The following SRSF7 variants were observed in gnomAD, a reference collection of about 807,000 sequenced individuals.
The protein encoded by SRSF7 is serine/arginine-rich splicing factor 7.
SRSF7 carries 15 observed loss-of-function variants against 42.2 expected under a neutral mutation model. The ratio of observed to expected loss-of-function variants is 0.36; its 90% CI spans 0.24 to 0.55. SRSF7 has a LOEUF of 0.55. Ranked by LOEUF, SRSF7 falls within the 20% of genes least tolerant of loss-of-function variation. SRSF7 has a pLI of 0.88. For synonymous variants in SRSF7, 138 were observed against 107.9 expected (o/e 1.28, Z -1.73); for missense variants, 181 against 305.9 (o/e 0.59, Z 3.04).
chr2:38,750,316 T>A, intron 1 of SRSF7, 122 bp from the exon 2 acceptor site: 1 of 812,612 alleles, frequency 1.2e-6, no homozygotes, highest in Non-Finnish European at 1.9e-6. Flanking sequence ...ATGCCCTCTA[T>A]CCAAGACAAA....
chr2:38,748,999 A>C, intron 3 of SRSF7: 11 of 1,287,694 alleles, frequency 8.5e-6, no homozygotes, highest in Non-Finnish European at 9.1e-6. Context: ...GTTTTCTTCA[A>C]TCTAACGACG....
chr2:38,749,746 T>A, intron 2 of SRSF7, 41 bp from the exon 3 acceptor site: 1 of 1,482,952 alleles, frequency 6.7e-7, no homozygotes, highest in Non-Finnish European at 8.9e-7. Context: ...GTTAAAAATA[T>A]ATTCAGGACT....
intron 5 of SRSF7, chr2:38,747,075 C>G (rs1572562233): frequency 2.0e-6 from 1 of 497,396 alleles, no homozygotes. Flanking sequence ...ACTTAAGGCA[C>G]AGATCCCTCA....
At chr2:38,747,178 G>C (rs1409154188) in intron 5 of SRSF7, 1 of 450,426 alleles carries the variant, frequency 2.2e-6, no homozygotes, top group Non-Finnish European at 4.6e-6. Context: ...GACTAATTCA[G>C]GTGATAAGGC....
chr2:38,750,308 G>T, intron 1 of SRSF7, 114 bp from the exon 2 acceptor site: 1 of 913,042 alleles, frequency 1.1e-6, no homozygotes, highest in Non-Finnish European at 1.7e-6. Context: ...CACATTTAAT[G>T]CCCTCTATCC....
At chr2:38,749,738 T>G (rs754789224) in intron 2 of SRSF7, 33 bp from the exon 3 acceptor site, 1 of 1,504,596 alleles carries the variant, frequency 6.6e-7, no homozygotes, top group African/African-American at 1.4e-5. Flanking sequence ...ATTCTAAAGT[T>G]AAAAATATAT....
chr2:38,751,039 A>G (rs1393739274), intron 1 of SRSF7, 190 bp downstream of exon 1: 2 of 671,024 alleles, frequency 3.0e-6, no homozygotes, highest in Non-Finnish European at 5.2e-6. Flanking sequence ...GGAACTCGGC[A>G]GAGATGTACA....
intron 1 of SRSF7, 89 bp from the exon 2 acceptor site, chr2:38,750,283 C>T (rs781498895): frequency 8.0e-7 from 1 of 1,251,988 alleles, no homozygotes; most frequent in Non-Finnish European, 1.1e-6. Context: ...GGGCCATCCT[C>T]AAGATTGGGT....
At chr2:38,750,841 T>A (rs1184624156) in intron 1 of SRSF7, 4 of 273,132 alleles carry the variant, frequency 1.5e-5, no homozygotes, top group Non-Finnish European at 7.3e-6. Flanking sequence ...GCCAGATCTG[T>A]CCGCTGAAGT....
intron 4 of SRSF7, 26 bp from the exon 5 acceptor site, chr2:38,748,183 C>G: frequency 4.5e-6 from 7 of 1,559,300 alleles, no homozygotes; most frequent in Non-Finnish European, 5.2e-6. Flanking sequence ...TTAAGTCCAT[C>G]TCCACAGTTT....
intron 5 of SRSF7, chr2:38,747,044 G>A (rs543771014): frequency 3.2e-4 from 177 of 548,144 alleles, no homozygotes; most frequent in Non-Finnish European, 6.0e-4. Context: ...AGACTGGTAT[G>A]AAGGAAGCAA....
chr2:38,749,305 C>G (rs1241915243), intron 3 of SRSF7: 4 of 1,494,610 alleles, frequency 2.7e-6, no homozygotes, highest in Non-Finnish European at 3.6e-6. Flanking sequence ...TCATAAGGCT[C>G]GTGACATTCT....
In SRSF7 at chr2:38,746,184, C is replaced by CAA; in HGVS notation, c.627-7_627-6dup. ...GGAGATCTGGACTTTGATCGGCTGT[C>CAA]AAAACATGAGAAATTCTATTAAAGA... On this transcript the variant is annotated splice_polypyrimidine_tract_variant and splice_region_variant and intron_variant, in intron 6 of 7. Coordinates refer to ENST00000313117, the MANE Select transcript of SRSF7 (RefSeq NM_001031684.3). 6.2e-7 allele frequency: 1 copy of CAA among 1,613,954 alleles called. No individual in the cohort carries two copies. Among genetic ancestry groups the CAA allele is most frequent in the Non-Finnish European group, 8.5e-7 (1 of 1,179,938 alleles).
At position 38,749,624 on chromosome 2, in the gene SRSF7, T is replaced by C; in HGVS notation, c.291A>G (p.Arg97=). 2 of 1,608,836 alleles carry C rather than the reference T, an allele frequency of 1.2e-6. No individual in the cohort carries two copies. Among genetic ancestry groups the C allele is most frequent in the African/African-American group, 2.7e-5 (2 of 74,590 alleles). Residue 97 remains arginine (R), a synonymous_variant, in exon 3 of 8, where the codon CGA becomes CGG. Coordinates refer to ENST00000313117, the MANE Select transcript of SRSF7 (RefSeq NM_001031684.3). ...RRSRFDRPPA[R]RPFDPNDRCY... is the part of the protein sequence containing the mutation. ...ATCTATCATTTGGATCAAAGGGACG[T>C]CGGGCAGGTGGTCTATCAAAACGTG...
Position 38,744,118 on chromosome 2 carries a change from G to A in SRSF7, c.*1015C>T. 6.6e-6 allele frequency: 1 copy of A among 152,572 alleles called. No homozygotes were observed. The highest frequency in any genetic ancestry group is 2.1e-4 in the South Asian group (1 of 4,836). 9.5% of individuals were successfully genotyped at this position (152,572 alleles called of 1,614,324 possible). On this transcript the variant is annotated 3_prime_UTR_variant, in exon 8 of 8. Transcript: ENST00000313117. ...AGCTGAGATTTACAAAACCACTTTA[G>A]TCTCATTGACATTTCTGATTGACAT...
rs1213287418 is a variant in SRSF7, at chr2:38,749,949, C to T, written c.209+65G>A. 17 of 1,502,770 alleles carry T rather than the reference C, an allele frequency of 1.1e-5. 1 individual carries two copies. Among genetic ancestry groups the T allele is most frequent in the South Asian group, 1.1e-4 (8 of 75,810 alleles). 93.1% of individuals were successfully genotyped at this position (1,502,770 alleles called of 1,614,324 possible). A position where few individuals can be genotyped will look rare whatever the true frequency, so the allele number is the denominator to read the frequency against. ...TCCAGACTTCAGAATCCAAATTTAGCACTAAGTTCATTATCTAGCCACAGT... is the reference window on the plus strand; with the variant it reads ...TCCAGACTTCAGAATCCAAATTTAGTACTAAGTTCATTATCTAGCCACAGT... On this transcript the variant is annotated intron_variant, in intron 2 of 7. Transcript: ENST00000313117.
intron 5 of SRSF7, 58 bp from the exon 6 acceptor site, chr2:38,746,805 A>G: frequency 6.2e-7 from 1 of 1,603,254 alleles, no homozygotes; most frequent in Non-Finnish European, 8.5e-7. Flanking sequence ...AATTTCCTTA[A>G]CTACTCAACA....
intron 5 of SRSF7, chr2:38,747,041 T>TA (rs1363009182): frequency 1.8e-6 from 1 of 554,538 alleles, no homozygotes; most frequent in East Asian, 4.8e-5. Flanking sequence ...ATGAGACTGG[T>TA]ATGAAGGAAG....
intron 3 of SRSF7, 25 bp from the exon 4 acceptor site, chr2:38,748,678 CA>C: frequency 6.2e-7 from 1 of 1,607,264 alleles, no homozygotes. Context: ...AGAGAAAAAA[CA>C]AAATGTCAGA....
Sources: allele counts gnomAD v4.1 joint callset, GRCh38; gene constraint gnomAD v4.1.1; transcripts MANE v1.5; gene names NCBI Gene and HGNC (gene_info 2026-07-23, HGNC 2026-07-21).